ANKRD12: variants seen among roughly 807,000 people sequenced by gnomAD.
ANKRD12 encodes the protein ankyrin repeat domain 12, also known as ankyrin repeat domain-containing protein 12.
In ANKRD12, 85 loss-of-function variants were observed where a neutral mutation model predicts 183.4. The observed-to-expected ratio is 0.46, with a 90% CI of 0.39 to 0.56. The LOEUF is 0.56. Among genes scored for constraint, ANKRD12 ranks in the 20% least tolerant of loss-of-function variants. ANKRD12 has a pLI of 0.00. For synonymous variants in ANKRD12, 914 were observed against 800.2 expected (o/e 1.14, Z -2.40); for missense variants, 2,405 against 2,357.1 (o/e 1.02, Z -0.42).
chr18:9,248,367 C>A (rs2038087880), intron 8 of ANKRD12, among the ~76,000 whole-genome samples: 1 of 152,248 alleles, frequency 6.6e-6, no homozygotes, highest in South Asian at 2.1e-4. Flanking sequence ...ACAATTTTGC[C>A]CATAATTTTA....
intron 8 of ANKRD12, among the ~76,000 whole-genome samples, chr18:9,252,578 G>A (rs917853338): frequency 3.9e-5 from 6 of 152,200 alleles, no homozygotes; most frequent in African/African-American, 1.2e-4. Flanking sequence ...AGGCATATCT[G>A]AATTGGAATG....
intron 8 of ANKRD12, among the ~76,000 whole-genome samples, chr18:9,243,892 T>TGG (rs1347228182): frequency 6.6e-6 from 1 of 152,184 alleles, no homozygotes; most frequent in African/African-American, 2.4e-5. Context: ...CCCAGCACTT[T>TGG]GGGGAGGCTG....
chr18:9,170,314 A>G (rs1281733576), intron 1 of ANKRD12, among the ~76,000 whole-genome samples: 2 of 152,018 alleles, frequency 1.3e-5, no homozygotes, highest in African/African-American at 2.4e-5. Context: ...GTGTTTTCCA[A>G]CTTGGTTCCA....
At chr18:9,241,515 T>G (rs148074388) in intron 8 of ANKRD12, among the ~76,000 whole-genome samples, 13 of 152,298 alleles carry the variant, frequency 8.5e-5, no homozygotes, top group Non-Finnish European at 1.8e-4. Flanking sequence ...TTTCTGAGGT[T>G]GTTGAATAGC....
At chr18:9,159,749 C>A (rs2031138065) in intron 1 of ANKRD12, among the ~76,000 whole-genome samples, 1 of 151,104 alleles carries the variant, frequency 6.6e-6, no homozygotes, top group African/African-American at 2.4e-5. Flanking sequence ...CTTCACCATC[C>A]ATTTATTAAT....
At chr18:9,143,859 G>T (rs1318637667) in intron 1 of ANKRD12, among the ~76,000 whole-genome samples, 1 of 152,138 alleles carries the variant, frequency 6.6e-6, no homozygotes, top group Non-Finnish European at 1.5e-5. Flanking sequence ...TTGAAAGTAA[G>T]CAAGAATGGT....
At chr18:9,198,712 G>C (rs895995654) in intron 3 of ANKRD12, among the ~76,000 whole-genome samples, 1 of 151,910 alleles carries the variant, frequency 6.6e-6, no homozygotes. Context: ...ACGATGCCTG[G>C]CTAATTTTCA....
intron 2 of ANKRD12, among the ~76,000 whole-genome samples, chr18:9,184,214 TTATG>T (rs779016867): frequency 6.6e-6 from 1 of 152,184 alleles, no homozygotes; most frequent in Non-Finnish European, 1.5e-5. Flanking sequence ...AAATCAATGT[TTATG>T]TAGTTTCAGA....
At chr18:9,231,694 AG>A (rs2037057798) in intron 8 of ANKRD12, among the ~76,000 whole-genome samples, 1 of 151,734 alleles carries the variant, frequency 6.6e-6, no homozygotes, top group South Asian at 2.1e-4. Context: ...GCATGGTGGC[AG>A]GCGCCTGTAG....
At chr18:9,195,735 C>A in intron 3 of ANKRD12, 37 bp downstream of exon 3, 1 of 1,588,816 alleles carries the variant, frequency 6.3e-7, no homozygotes. Flanking sequence ...AAATCTTGCC[C>A]ATTCTTTAAT....
At chr18:9,186,539 C>T (rs1375887012) in intron 2 of ANKRD12, among the ~76,000 whole-genome samples, 1 of 152,056 alleles carries the variant, frequency 6.6e-6, no homozygotes, top group Admixed American at 6.6e-5. Flanking sequence ...ATGTCAAAAG[C>T]TGTTGTTAGA....
chr18:9,140,706 T>G (rs917815360), intron 1 of ANKRD12, among the ~76,000 whole-genome samples: 7 of 152,180 alleles, frequency 4.6e-5, no homozygotes, highest in African/African-American at 1.7e-4. Flanking sequence ...TAAAACAGTT[T>G]TTGTTTGCCT....
At chr18:9,213,161 A>G (rs1318913934) in intron 6 of ANKRD12, among the ~76,000 whole-genome samples, 1 of 151,502 alleles carries the variant, frequency 6.6e-6, no homozygotes, top group East Asian at 1.9e-4. Context: ...CTATTCCTAT[A>G]TTTTCTGTTT....
At chr18:9,208,930 G>C in intron 5 of ANKRD12, 127 bp downstream of exon 5, 1 of 914,630 alleles carries the variant, frequency 1.1e-6, no homozygotes, top group Non-Finnish European at 1.5e-6. Flanking sequence ...AGAATTACTT[G>C]TAAGTCAGTG....
At position 9,225,210 on chromosome 18, in the gene ANKRD12, T is replaced by C. The variant is rs1009382629; in HGVS notation, c.943+3211T>C. ...TAATTTGGCCAGGCACAGTGACTTATGCCTGTAATCCCAGCACTTTTGGGA... is the reference window on the plus strand; with the variant it reads ...TAATTTGGCCAGGCACAGTGACTTACGCCTGTAATCCCAGCACTTTTGGGA... On this transcript the variant is annotated intron_variant, in intron 8 of 12. Coordinates refer to ENST00000262126, the MANE Select transcript of ANKRD12 (RefSeq NM_015208.5). Among the ~76,000 whole-genome samples the C allele has an allele frequency of 3.1e-5, 3 of 97,924 alleles. 1 individual carries two copies. The highest frequency in any genetic ancestry group is 8.9e-5 in the African/African-American group (3 of 33,768). The allele number at this position is 97,924 out of a possible 152,430, so 64.2% of individuals were successfully genotyped here.
At chr18:9,148,808 C>G (rs1462796770) in intron 1 of ANKRD12, among the ~76,000 whole-genome samples, 1 of 152,150 alleles carries the variant, frequency 6.6e-6, no homozygotes, top group African/African-American at 2.4e-5. Flanking sequence ...ACACACTACT[C>G]GAATTATGTC....
chr18:9,163,404 G>A (rs2143818656), intron 1 of ANKRD12, among the ~76,000 whole-genome samples: 1 of 152,248 alleles, frequency 6.6e-6, no homozygotes, highest in Admixed American at 6.5e-5. Flanking sequence ...TGGTCTGTGT[G>A]TCTGTTTTTG....
At chr18:9,176,544 GC>G (rs2033285754) in intron 1 of ANKRD12, among the ~76,000 whole-genome samples, 1 of 151,984 alleles carries the variant, frequency 6.6e-6, no homozygotes, top group South Asian at 2.1e-4. Context: ...GTCTGCCTCA[GC>G]CTCCCAAAGT....
At position 9,275,183 on chromosome 18, in the gene ANKRD12, G is replaced by A. The variant is rs898253776; in HGVS notation, c.5764-341G>A. 3.9e-5 allele frequency among the ~76,000 whole-genome samples: 6 copies of A among 152,060 alleles called. No individual in the cohort carries two copies. In the East Asian group the frequency reaches 9.7e-4, roughly 25 times the overall value. ...CAGCCTGGGTGACAGAGTGAGAAGA[G>A]GCTAGGCACAGTGGCTCAGGCCTGT... On this transcript the variant is annotated intron_variant, in intron 10 of 12. Transcript: ENST00000262126.
Sources: allele counts gnomAD v4.1 joint callset (sites outside exome capture counted in the v4.1 genomes callset), GRCh38; gene constraint gnomAD v4.1.1; transcripts MANE v1.5; gene names NCBI Gene and HGNC (gene_info 2026-07-23, HGNC 2026-07-21).